Variants in SLC5A12 observed in about 807,000 individuals in gnomAD.
SLC5A12 encodes solute carrier family 5 member 12.
Under a neutral mutation model 72.7 loss-of-function variants are expected in SLC5A12, and 46 were observed. The ratio of observed to expected loss-of-function variants is 0.63; its 90% CI spans 0.50 to 0.81. The LOEUF is 0.81. SLC5A12 is among the 30% of genes least tolerant of loss of function. The pLI, the probability that SLC5A12 is intolerant of heterozygous loss-of-function variation, is 0.00. For missense variants in SLC5A12, 683 were observed against 740.7 expected (o/e 0.92, Z 0.90); for synonymous variants, 275 against 264.4 (o/e 1.04, Z -0.39).
rs199793950 is a variant in SLC5A12, at chr11:26,671,047, T to C, written c.*55A>G. The C allele has an allele frequency of 2.2e-6, 3 of 1,354,502 alleles. No homozygotes were observed. The highest frequency in any genetic ancestry group is 2.9e-5 in the African/African-American group (2 of 67,996). 83.9% of individuals were successfully genotyped at this position (1,354,502 alleles called of 1,614,324 possible). The stretch of plus-strand genomic sequence containing the variant: ...CAAGTAGGCAAGAAGTATGTGGAGT[T>C]TGTGTGTGTGTGTGTGTATTGCACG... On this transcript the variant is annotated 3_prime_UTR_variant, in exon 15 of 15. Coordinates refer to ENST00000396005, the MANE Select transcript of SLC5A12 (RefSeq NM_178498.4).
intron 9 of SLC5A12, among the ~76,000 whole-genome samples, chr11:26,688,529 G>A (rs994990269): frequency 1.3e-5 from 2 of 152,110 alleles, no homozygotes; most frequent in Admixed American, 1.3e-4. Context: ...AGGAAATATA[G>A]AATACATGAC....
At chr11:26,685,511 G>C (rs1372259405) in intron 10 of SLC5A12, among the ~76,000 whole-genome samples, 1 of 152,030 alleles carries the variant, frequency 6.6e-6, no homozygotes, top group African/African-American at 2.4e-5. Flanking sequence ...GGGAGGCTGA[G>C]GCAGGAGAAT....
intron 14 of SLC5A12, among the ~76,000 whole-genome samples, chr11:26,673,108 A>G (rs2133129248): frequency 6.6e-6 from 1 of 152,214 alleles, no homozygotes; most frequent in South Asian, 2.1e-4. Context: ...TTCCTTTTCT[A>G]TTATTCACTT....
chr11:26,673,978 A>T (rs1372711367), intron 13 of SLC5A12, among the ~76,000 whole-genome samples: 4 of 152,062 alleles, frequency 2.6e-5, no homozygotes, highest in African/African-American at 9.7e-5. Context: ...TCACCCTAAC[A>T]TCCTGAACAA....
intron 10 of SLC5A12, among the ~76,000 whole-genome samples, chr11:26,685,385 C>T (rs1042460414): frequency 6.6e-5 from 10 of 152,046 alleles, no homozygotes; most frequent in African/African-American, 1.9e-4. Context: ...ACTCGGAGGC[C>T]GAGGCTGGTG....
intron 1 of SLC5A12, among the ~76,000 whole-genome samples, chr11:26,713,206 C>G (rs1226240092): frequency 6.6e-6 from 1 of 152,068 alleles, no homozygotes; most frequent in Non-Finnish European, 1.5e-5. Flanking sequence ...AATTCTTCAA[C>G]AATTCTCTAT....
chr11:26,681,292 A>ACC, intron 11 of SLC5A12, 71 bp from the exon 12 acceptor site: 6 of 1,230,252 alleles, frequency 4.9e-6, no homozygotes, highest in Non-Finnish European at 6.6e-6. Flanking sequence ...TGAGATGAGG[A>ACC]GTTCTATGCC....
At chr11:26,704,759 T>G (rs1046980407) in intron 4 of SLC5A12, among the ~76,000 whole-genome samples, 4 of 151,916 alleles carry the variant, frequency 2.6e-5, no homozygotes, top group Admixed American at 1.3e-4. Context: ...TGAATACAGG[T>G]GGTAAAGAAG....
chr11:26,694,165 A>T (rs1333722519), intron 8 of SLC5A12, among the ~76,000 whole-genome samples: 1 of 152,140 alleles, frequency 6.6e-6, no homozygotes, highest in East Asian at 1.9e-4. Context: ...GGCTGCTACA[A>T]GATAGTGGAA....
intron 13 of SLC5A12, among the ~76,000 whole-genome samples, chr11:26,677,629 T>C (rs917833669): frequency 4.6e-5 from 7 of 151,816 alleles, no homozygotes; most frequent in African/African-American, 9.7e-5. Flanking sequence ...ATTGAGAGAG[T>C]TGTTATTATG....
At position 26,684,856 on chromosome 11, in the gene SLC5A12, G is replaced by A. The variant is rs117448624; in HGVS notation, c.1222-1013C>T. The stretch of plus-strand genomic sequence containing the variant: ...TCTTAAGAGTAAATATTATTGTGGC[G>A]CACAAGACATCAGAAGCAACTTGGA... On this transcript the variant is annotated intron_variant, in intron 10 of 14. Transcript: ENST00000396005. Among the ~76,000 whole-genome samples the A allele has an allele frequency of 6.5e-3, 984 of 152,214 alleles. 8 individuals are homozygous for A. Among genetic ancestry groups the A allele is most frequent in the Non-Finnish European group, 0.01 (698 of 68,022 alleles).
chr11:26,686,427 TG>T, intron 10 of SLC5A12, 49 bp downstream of exon 10: 5 of 1,537,650 alleles, frequency 3.3e-6, no homozygotes, highest in South Asian at 1.1e-5. Flanking sequence ...TAAAAGAGAG[TG>T]GGGGGAAGTT....
At chr11:26,690,085 A>G (rs1366637863) in intron 9 of SLC5A12, among the ~76,000 whole-genome samples, 2 of 152,226 alleles carry the variant, frequency 1.3e-5, no homozygotes, top group East Asian at 3.8e-4. Flanking sequence ...AGTAGATGCT[A>G]TTGCTAGGTG....
At chr11:26,675,505 T>C (rs866916132) in intron 13 of SLC5A12, among the ~76,000 whole-genome samples, 6 of 152,134 alleles carry the variant, frequency 3.9e-5, no homozygotes, top group Admixed American at 6.6e-5. Context: ...TGAAACCAAG[T>C]TCGTCAAGAG....
intron 13 of SLC5A12, among the ~76,000 whole-genome samples, chr11:26,676,768 A>C (rs937818333): frequency 2.0e-5 from 3 of 152,228 alleles, no homozygotes; most frequent in Admixed American, 1.3e-4. Flanking sequence ...CAGCTGATGC[A>C]CAAAATGATT....
In SLC5A12 at chr11:26,669,983, C is replaced by T. The variant is rs1452383647; in HGVS notation, c.*1119G>A. On this transcript the variant is annotated 3_prime_UTR_variant, in exon 15 of 15. Transcript: ENST00000396005. Reference sequence around the variant, plus strand: ...TTACCTTTTCAGAATTTCACTTCTTCACTTCTTCCAAAAATCTTTCACTGC... The same window carrying T: ...TTACCTTTTCAGAATTTCACTTCTTTACTTCTTCCAAAAATCTTTCACTGC... 6.6e-6 allele frequency: 1 copy of T among 152,232 alleles called. No homozygotes were observed. The highest frequency in any genetic ancestry group is 2.1e-4 in the South Asian group (1 of 4,830). The allele number at this position is 152,232 out of a possible 1,614,324, so 9.4% of individuals were successfully genotyped here.
chr11:26,713,602 T>C (rs1015835950), intron 1 of SLC5A12, among the ~76,000 whole-genome samples: 1 of 152,168 alleles, frequency 6.6e-6, no homozygotes, highest in African/African-American at 2.4e-5. Context: ...TCATATTTCA[T>C]CCTCTGAGCT....
chr11:26,697,383 G>T, intron 7 of SLC5A12, 131 bp from the exon 8 acceptor site: 1 of 709,174 alleles, frequency 1.4e-6, no homozygotes, highest in Non-Finnish European at 2.3e-6. Context: ...TAGCTGTTTA[G>T]CAAAAGGAGG....
intron 3 of SLC5A12, among the ~76,000 whole-genome samples, chr11:26,710,951 T>A (rs1855211698): frequency 6.6e-6 from 1 of 152,114 alleles, no homozygotes; most frequent in Non-Finnish European, 1.5e-5. Context: ...TGAGATTATC[T>A]ACTTCATGAG....
Sources: allele counts gnomAD v4.1 joint callset (sites outside exome capture counted in the v4.1 genomes callset), GRCh38; gene constraint gnomAD v4.1.1; transcripts MANE v1.5; gene names NCBI Gene and HGNC (gene_info 2026-07-23, HGNC 2026-07-21).